HDAC9: variants seen among roughly 807,000 people sequenced by gnomAD.
The protein encoded by HDAC9 is MEF-2 interacting transcription repressor (MITR) protein.
In HDAC9, 41 loss-of-function variants were observed where a neutral mutation model predicts 139.4. That is an observed-to-expected ratio of 0.29 (90% CI 0.23 to 0.38). HDAC9 has a LOEUF of 0.38. Among genes scored for constraint, HDAC9 ranks in the 10% least tolerant of loss-of-function variants. The pLI, the probability that HDAC9 is intolerant of heterozygous loss-of-function variation, is 1.00. For synonymous variants in HDAC9, 517 were observed against 476.2 expected (o/e 1.09, Z -1.12); for missense variants, 1,147 against 1,297.0 (o/e 0.88, Z 1.78).
At chr7:18,223,194 C>T (rs993217191) in intron 2 of HDAC9, among the ~76,000 whole-genome samples, 1 of 151,896 alleles carries the variant, frequency 6.6e-6, no homozygotes, top group Admixed American at 6.6e-5. Context: ...TTTGTTTTTT[C>T]TAGTAATTTA....
intron 8 of HDAC9, among the ~76,000 whole-genome samples, chr7:18,643,846 A>G (rs1487788936): frequency 2.6e-5 from 4 of 152,068 alleles, no homozygotes; most frequent in East Asian, 1.9e-4. Flanking sequence ...CTTGGGGACC[A>G]TATCAGGCCA....
chr7:18,410,110 T>A (rs893761943), intron 1 of HDAC9, among the ~76,000 whole-genome samples: 1 of 152,224 alleles, frequency 6.6e-6, no homozygotes, highest in Admixed American at 6.5e-5. Context: ...ATTTAGTTTC[T>A]TCACTCTCTT....
intron 2 of HDAC9, among the ~76,000 whole-genome samples, chr7:18,581,185 A>G (rs1171816906): frequency 6.6e-6 from 1 of 152,116 alleles, no homozygotes; most frequent in Non-Finnish European, 1.5e-5. Flanking sequence ...CTCTGCAAGC[A>G]CTATTGATTT....
chr7:18,146,146 A>G (rs1176006724), intron 1 of HDAC9, among the ~76,000 whole-genome samples: 2 of 152,206 alleles, frequency 1.3e-5, no homozygotes, highest in South Asian at 4.1e-4. Flanking sequence ...GAATGCTGTC[A>G]TGCTCTGAAT....
intron 12 of HDAC9, among the ~76,000 whole-genome samples, chr7:18,682,519 A>G (rs1781958154): frequency 6.6e-6 from 1 of 152,056 alleles, no homozygotes; most frequent in African/African-American, 2.4e-5. Flanking sequence ...TTTTGCTGGT[A>G]ACTTTTAAAG....
intron 24 of HDAC9, among the ~76,000 whole-genome samples, chr7:18,964,950 T>C (rs902010943): frequency 1.3e-5 from 2 of 152,170 alleles, no homozygotes; most frequent in African/African-American, 4.8e-5. Context: ...TGAATGCAAT[T>C]TGGTTTCCCA....
At chr7:18,478,464 T>C (rs1322615227) in intron 1 of HDAC9, among the ~76,000 whole-genome samples, 1 of 152,252 alleles carries the variant, frequency 6.6e-6, no homozygotes, top group East Asian at 1.9e-4. Flanking sequence ...TCATTCCTTT[T>C]ATGTTATATT....
chr7:18,370,514 A>C (rs1468461524), intron 1 of HDAC9, among the ~76,000 whole-genome samples: 7 of 152,114 alleles, frequency 4.6e-5, no homozygotes, highest in Non-Finnish European at 1.0e-4. Context: ...TCTCTACCTC[A>C]AGTATATATG....
chr7:18,212,025 TCTGA>T (rs1013517280), intron 2 of HDAC9, among the ~76,000 whole-genome samples: 5 of 152,288 alleles, frequency 3.3e-5, no homozygotes, highest in African/African-American at 1.2e-4. Context: ...TCAGTGATTC[TCTGA>T]CTGTGTTTCT....
Position 18,838,932 on chromosome 7 carries a change from C to A in HDAC9, c.2684+2935C>A, listed in dbSNP as rs1350502190. ...TCATGGTTTCTATTATGTGCTTTTT[C>A]TATAGCAAAAAAATCATAGACAAAC... On this transcript the variant is annotated intron_variant, in intron 21 of 25. Coordinates refer to ENST00000686413, the MANE Select transcript of HDAC9 (RefSeq NM_178425.4). Among the ~76,000 whole-genome samples, 9 of 151,872 alleles carry A rather than the reference C, an allele frequency of 5.9e-5. No homozygotes were observed. In the East Asian group the frequency reaches 1.7e-3, roughly 29 times the overall value.
intron 6 of HDAC9, among the ~76,000 whole-genome samples, chr7:18,625,978 AT>A (rs1369259091): frequency 7.0e-6 from 1 of 143,344 alleles, no homozygotes; most frequent in Non-Finnish European, 1.5e-5. Flanking sequence ...AAAAAAAGAT[AT>A]GTAGGACTAT....
intron 1 of HDAC9, among the ~76,000 whole-genome samples, chr7:18,357,353 T>C (rs559208134): frequency 6.6e-6 from 1 of 152,320 alleles, no homozygotes; most frequent in East Asian, 1.9e-4. Flanking sequence ...TCCTAGCAGT[T>C]AAATTGACTT....
intron 17 of HDAC9, 57 bp from the exon 18 acceptor site, chr7:18,829,104 C>T: frequency 8.2e-7 from 1 of 1,213,404 alleles, no homozygotes; most frequent in Non-Finnish European, 1.2e-6. Context: ...TCCAAGCAAT[C>T]CCTCTCCTAC....
chr7:18,924,484 T>C (rs1804035848), intron 22 of HDAC9, among the ~76,000 whole-genome samples: 1 of 152,116 alleles, frequency 6.6e-6, no homozygotes, highest in Non-Finnish European at 1.5e-5. Context: ...GGGTAGATAC[T>C]TATCTTTTAA....
chr7:18,859,013 T>G (rs1797893593), intron 21 of HDAC9, among the ~76,000 whole-genome samples: 1 of 152,168 alleles, frequency 6.6e-6, no homozygotes, highest in African/African-American at 2.4e-5. Context: ...TTGTCAAGCT[T>G]CCGAGAACGT....
At chr7:18,145,901 G>A (rs1301939933) in intron 1 of HDAC9, among the ~76,000 whole-genome samples, 1 of 152,100 alleles carries the variant, frequency 6.6e-6, no homozygotes, top group South Asian at 2.1e-4. Context: ...GAGGTATCCC[G>A]AGAGGAGCAA....
intron 2 of HDAC9, among the ~76,000 whole-genome samples, chr7:18,271,776 C>G (rs543412784): frequency 1.6e-4 from 25 of 152,304 alleles, no homozygotes; most frequent in Middle Eastern, 3.4e-3. Flanking sequence ...GAGAACCCTC[C>G]TTTGATACCT....
At chr7:18,139,103 ATATAAT>A (rs1247470451) in intron 1 of HDAC9, among the ~76,000 whole-genome samples, 1 of 150,156 alleles carries the variant, frequency 6.7e-6, no homozygotes, top group African/African-American at 2.5e-5. Flanking sequence ...TATCACCATC[ATATAAT>A]TATAATCTGG....
intron 15 of HDAC9, among the ~76,000 whole-genome samples, chr7:18,764,891 T>A (rs1789693449): frequency 6.6e-6 from 1 of 150,672 alleles, no homozygotes; most frequent in African/African-American, 2.4e-5. Flanking sequence ...GACCTGTCAG[T>A]CTTTGTATCT....
Sources: allele counts gnomAD v4.1 joint callset (sites outside exome capture counted in the v4.1 genomes callset), GRCh38; gene constraint gnomAD v4.1.1; transcripts MANE v1.5; gene names NCBI Gene and HGNC (gene_info 2026-07-23, HGNC 2026-07-21).